The following TLN2 variants were observed in gnomAD, a reference collection of about 807,000 sequenced individuals.
TLN2 encodes the protein talin-2.
Under a neutral mutation model 294.7 loss-of-function variants are expected in TLN2, and 118 were observed. The ratio of observed to expected loss-of-function variants is 0.40; its 90% CI spans 0.34 to 0.47. The LOEUF (loss-of-function observed/expected upper bound fraction) is 0.47, where lower values mean the gene tolerates loss of function less well. Among genes scored for constraint, TLN2 ranks in the 20% least tolerant of loss-of-function variants. The probability of loss-of-function intolerance (pLI) is 0.84; values close to 1 mark genes in which losing one functional copy is unlikely to be tolerated. For missense variants in TLN2, 3,083 were observed against 3,282.2 expected (o/e 0.94, Z 1.48); for synonymous variants, 1,431 against 1,304.5 (o/e 1.10, Z -2.09).
intron 1 of TLN2, among the ~76,000 whole-genome samples, chr15:62,505,124 T>G (rs1395247310): frequency 1.4e-5 from 2 of 139,918 alleles, no homozygotes; most frequent in African/African-American, 6.7e-5. Flanking sequence ...GCCCAGCTAA[T>G]TTTTTTGTAT....
At chr15:62,522,066 G>GT (rs1457748507) in intron 1 of TLN2, among the ~76,000 whole-genome samples, 18 of 152,254 alleles carry the variant, frequency 1.2e-4, no homozygotes, top group Non-Finnish European at 1.3e-4. Flanking sequence ...CAGAAATTCA[G>GT]TTTTTTCAGA....
chr15:62,515,110 A>G (rs1026723115), intron 1 of TLN2, among the ~76,000 whole-genome samples: 8 of 152,106 alleles, frequency 5.3e-5, no homozygotes, highest in African/African-American at 1.9e-4. Context: ...TAATGCTAAG[A>G]TTTTTATTAT....
rs139654200 is a variant in TLN2, at chr15:62,719,467, G to A, written c.2878-300G>A. Among the ~76,000 whole-genome samples the A allele has an allele frequency of 1.1e-4, 16 of 152,262 alleles. No homozygotes were observed. The East Asian group carries it at 3.1e-3, about 29-fold the overall frequency. On this transcript the variant is annotated intron_variant, in intron 24 of 58. Coordinates refer to ENST00000636159, the MANE Select transcript of TLN2 (RefSeq NM_015059.3). ...GTTTGCAGTGCCAATGAGCCAGATG[G>A]TGTGAGTTGCAACTAAGGAAATTCT...
chr15:62,761,849 C>G (rs1191935958), intron 38 of TLN2, 28 bp downstream of exon 38: 3 of 1,611,838 alleles, frequency 1.9e-6, no homozygotes, highest in Non-Finnish European at 2.5e-6. Flanking sequence ...GAACATCATA[C>G]TAAGGTCTTT....
chr15:62,530,193 A>G (rs1233336916), intron 1 of TLN2, among the ~76,000 whole-genome samples: 1 of 152,236 alleles, frequency 6.6e-6, no homozygotes, highest in African/African-American at 2.4e-5. Context: ...TCTGTCTCAA[A>G]AGATAAATAA....
At chr15:62,711,729 C>T (rs1041512588) in intron 21 of TLN2, among the ~76,000 whole-genome samples, 182 bp from the exon 22 acceptor site, 16 of 152,074 alleles carry the variant, frequency 1.1e-4, no homozygotes, top group African/African-American at 1.9e-4. Flanking sequence ...TCCTGGCAGC[C>T]GCAGGGAATA....
chr15:62,520,346 A>T (rs1386528793), intron 1 of TLN2, among the ~76,000 whole-genome samples: 1 of 152,218 alleles, frequency 6.6e-6, no homozygotes, highest in Non-Finnish European at 1.5e-5. Context: ...CTTCTGATGG[A>T]AAATGGCACA....
At chr15:62,800,620 C>A in intron 49 of TLN2, 33 bp from the exon 50 acceptor site, 1 of 1,612,458 alleles carries the variant, frequency 6.2e-7, no homozygotes, top group Non-Finnish European at 8.5e-7. Flanking sequence ...TGAGTCACTG[C>A]ACTATCTGTA....
intron 27 of TLN2, 100 bp downstream of exon 27, chr15:62,725,204 G>A: frequency 6.8e-7 from 1 of 1,473,936 alleles, no homozygotes; most frequent in East Asian, 2.3e-5. Context: ...GGCATGTTGA[G>A]AAGCTTCTAA....
intron 9 of TLN2, among the ~76,000 whole-genome samples, chr15:62,665,540 C>T (rs527836942): frequency 1.3e-5 from 2 of 152,268 alleles, no homozygotes; most frequent in African/African-American, 4.8e-5. Flanking sequence ...TGTGGGCAGG[C>T]AGGTCACAGG....
At chr15:62,395,929 G>T (rs1015569000) in intron 1 of TLN2, among the ~76,000 whole-genome samples, 3 of 151,998 alleles carry the variant, frequency 2.0e-5, no homozygotes, top group African/African-American at 7.3e-5. Flanking sequence ...TCTGTCTCCT[G>T]GGTTCAAGTG....
intron 1 of TLN2, among the ~76,000 whole-genome samples, chr15:62,431,234 C>A (rs999414822): frequency 1.3e-5 from 2 of 152,090 alleles, no homozygotes; most frequent in East Asian, 3.9e-4. Flanking sequence ...CTGTGTAGAG[C>A]TTTTCCCTTT....
intron 1 of TLN2, among the ~76,000 whole-genome samples, chr15:62,580,708 G>A (rs2044889735): frequency 2.0e-5 from 3 of 151,968 alleles, no homozygotes; most frequent in Admixed American, 1.3e-4. Context: ...ACTGCACCTG[G>A]CTAGGGTTTA....
chr15:62,543,315 C>T (rs1357104417), intron 1 of TLN2, among the ~76,000 whole-genome samples: 1 of 152,208 alleles, frequency 6.6e-6, no homozygotes, highest in African/African-American at 2.4e-5. Flanking sequence ...TTCATTAATT[C>T]AGCATATATT....
rs1039596345 is a variant in TLN2, at chr15:62,703,623, GCGCGCACACA to G, written c.2004+761_2004+770del. The stretch of plus-strand genomic sequence containing the variant: ...CTTCGACACACACACACACACACAC[GCGCGCACACA>G]CACACACACACACACACAGAGAAAG... On this transcript the variant is annotated intron_variant, in intron 19 of 58. Coordinates refer to ENST00000636159, the MANE Select transcript of TLN2 (RefSeq NM_015059.3). 2.5e-4 allele frequency among the ~76,000 whole-genome samples: 15 copies of G among 60,564 alleles called. No individual in the cohort carries two copies. In the South Asian group the frequency reaches 8.2e-3, roughly 33 times the overall value. The allele number at this position is 60,564 out of a possible 152,430, so 39.7% of individuals were successfully genotyped here.
At chr15:62,815,956 C>A (rs1167511960) in intron 52 of TLN2, among the ~76,000 whole-genome samples, 1 of 152,102 alleles carries the variant, frequency 6.6e-6, no homozygotes, top group Non-Finnish European at 1.5e-5. Flanking sequence ...GGTCATGGGC[C>A]CCTTTGAGCT....
chr15:62,590,357 C>T (rs546402665), intron 2 of TLN2, among the ~76,000 whole-genome samples: 3 of 152,238 alleles, frequency 2.0e-5, no homozygotes, highest in South Asian at 2.1e-4. Flanking sequence ...CTCCTCTCTT[C>T]CCCATTGTTT....
chr15:62,507,818 G>A (rs747956998), intron 1 of TLN2, among the ~76,000 whole-genome samples: 15 of 152,184 alleles, frequency 9.9e-5, no homozygotes, highest in Middle Eastern at 3.2e-3. Context: ...GCACAGTTTT[G>A]CCCTTTTGTC....
intron 3 of TLN2, among the ~76,000 whole-genome samples, chr15:62,634,832 G>A (rs893016804): frequency 1.3e-5 from 2 of 152,224 alleles, no homozygotes; most frequent in Middle Eastern, 3.2e-3. Flanking sequence ...ACATCCACAT[G>A]GCTTTCTGTA....
Sources: gnomAD v4.1 joint callset for allele counts (sites outside exome capture counted in the v4.1 genomes callset) on GRCh38, gnomAD v4.1.1 for gene constraint, MANE v1.5 for transcripts, NCBI Gene and HGNC (gene_info 2026-07-23, HGNC 2026-07-21) for gene names.